The following STEAP1 variants were observed in gnomAD, a reference collection of about 807,000 sequenced individuals.
The protein encoded by STEAP1 is STEAP family member 1.
STEAP1 carries 30 observed loss-of-function variants against 34.4 expected under a neutral mutation model. That is an observed-to-expected ratio of 0.87 (90% CI 0.65 to 1.18). The LOEUF (loss-of-function observed/expected upper bound fraction) is 1.18, where lower values mean the gene tolerates loss of function less well. Among genes scored for constraint, STEAP1 ranks in the 50% most tolerant of loss-of-function variants. STEAP1 has a pLI of 0.00. For missense variants in STEAP1, 318 were observed against 391.1 expected, an observed-to-expected ratio of 0.81 and a Z score of 1.58; for synonymous variants, 116 against 135.3, an observed-to-expected ratio of 0.86 and a Z score of 0.99.
intron 4 of STEAP1, among the ~76,000 whole-genome samples, 157 bp from the exon 5 acceptor site, chr7:90,164,320 A>G (rs1177971452): frequency 6.6e-6 from 1 of 152,170 alleles, no homozygotes; most frequent in Admixed American, 6.5e-5. Context: ...AGGATAGGCA[A>G]AAAGAGTAGA....
chr7:90,160,432 A>C (rs1794167981), intron 2 of STEAP1, among the ~76,000 whole-genome samples: 1 of 151,758 alleles, frequency 6.6e-6, no homozygotes, highest in Non-Finnish European at 1.5e-5. Flanking sequence ...TTTTGGTTCC[A>C]AACTTCCAAA....
At chr7:90,156,482 C>G (rs1794121189) in intron 1 of STEAP1, among the ~76,000 whole-genome samples, 1 of 152,190 alleles carries the variant, frequency 6.6e-6, no homozygotes, top group Non-Finnish European at 1.5e-5. Context: ...AGTCAGTGTC[C>G]TTTTAGGAAC....
At position 90,164,622 on chromosome 7, in the gene STEAP1, T is replaced by C. The variant is rs1794229589; in HGVS notation, c.908T>C (p.Ile303Thr). Residue 303 changes from isoleucine to threonine, a missense_variant, in exon 5 of 5, where the codon ATA becomes ACA. Physicochemically the swap from Ile to Thr is moderately conservative, Grantham distance 89. Transcript: ENST00000297205. ...GTTTTCCTTCCAATTGTTGTCCTGATATTTAAAAGCATACTATTCCTGCCA... is the reference window on the plus strand; with the variant it reads ...GTTTTCCTTCCAATTGTTGTCCTGACATTTAAAAGCATACTATTCCTGCCA... Reference protein sequence around the residue: ...IAVFLPIVVLIFKSILFLPCL... With the variant: ...IAVFLPIVVLTFKSILFLPCL... 21 of 1,613,736 alleles carry C rather than the reference T, an allele frequency of 1.3e-5. No homozygotes were observed. The highest frequency in any genetic ancestry group is 1.7e-5 in the Non-Finnish European group (20 of 1,179,858).
intron 2 of STEAP1, 57 bp downstream of exon 2, chr7:90,159,929 A>G: frequency 8.2e-7 from 1 of 1,226,440 alleles, no homozygotes; most frequent in Admixed American, 3.1e-5. Flanking sequence ...AACATAATTC[A>G]GATGCCATTC....
intron 4 of STEAP1, 86 bp downstream of exon 4, chr7:90,162,164 A>G: frequency 6.8e-7 from 1 of 1,462,728 alleles, no homozygotes; most frequent in East Asian, 2.5e-5. Context: ...CCCATAAAAA[A>G]TAACAAATGT....
chr7:90,161,139 A>C lies in STEAP1; in HGVS notation c.419A>C (p.Gln140Pro), dbSNP rs778690758. ...YLPGVIAAIV[Q>P]LHNGTKYKKF... ...CCAGGTGTGATAGCAGCAATTGTCCAACTTCATAATGGAACCAAGTATAAG... is the reference window on the plus strand; with the variant it reads ...CCAGGTGTGATAGCAGCAATTGTCCCACTTCATAATGGAACCAAGTATAAG... Residue 140 changes from glutamine to proline, a missense_variant, in exon 3 of 5, where the codon CAA becomes CCA. Gln to Pro is a moderately conservative substitution (Grantham distance 76). Coordinates refer to ENST00000297205, the MANE Select transcript of STEAP1 (RefSeq NM_012449.3). 1.1e-5 allele frequency: 17 copies of C among 1,614,022 alleles called. No individual in the cohort carries two copies. Among genetic ancestry groups the C allele is most frequent in the Non-Finnish European group, 1.4e-5 (17 of 1,179,872 alleles).
Position 90,164,478 on chromosome 7 carries a change from G to A in STEAP1, c.764G>A (p.Ser255Asn), listed in dbSNP as rs747181962. 6 of 1,598,472 alleles carry A rather than the reference G, an allele frequency of 3.8e-6. No homozygotes were observed. The Admixed American group carries it at 8.6e-5, about 23-fold the overall frequency. ...LTWREFHYIQ[S>N]KLGIVSLLLG... is the part of the protein sequence containing the mutation. ...ACCAATTTTGTTTTTCTTTTGCAGAGCAAGCTAGGAATTGTTTCCCTTCTA... is the reference window on the plus strand; with the variant it reads ...ACCAATTTTGTTTTTCTTTTGCAGAACAAGCTAGGAATTGTTTCCCTTCTA... Residue 255 changes from serine to asparagine, a missense_variant and splice_region_variant, in exon 5 of 5, where the codon AGC becomes AAC. Transcript: ENST00000297205.
chr7:90,160,853 C>G lies in STEAP1; in HGVS notation c.133C>G (p.His45Asp), dbSNP rs769480944. The G allele has an allele frequency of 1.9e-6, 3 of 1,613,882 alleles. No individual in the cohort carries two copies. Among genetic ancestry groups the G allele is most frequent in the Non-Finnish European group, 2.5e-6 (3 of 1,179,868 alleles). ...TSMLKRPVLL[H>D]LHQTAHADEF... ...CATGCTAAAAAGACCTGTGCTTTTG[C>G]ATTTGCACCAAACAGCCCATGCTGA... Residue 45 changes from histidine to aspartate, a missense_variant, in exon 3 of 5, where the codon CAT becomes GAT. Transcript: ENST00000297205.
In STEAP1 at chr7:90,160,815, C is replaced by G. The variant is rs755363804; in HGVS notation, c.95C>G (p.Thr32Arg). Residue 32 changes from threonine (T) to arginine (R), a missense_variant, in exon 3 of 5, where the codon ACG (threonine) becomes AGG (arginine). By Grantham distance (71) the Thr-to-Arg change is moderately conservative. Coordinates refer to ENST00000297205, the MANE Select transcript of STEAP1 (RefSeq NM_012449.3). The part of the protein sequence containing the change: ...LEEDDYLHKD[T>R]GETSMLKRPV... ...TTCTTTCCTTTGTAGCATAAGGACA[C>G]GGGAGAGACCAGCATGCTAAAAAGA... 2 of 1,613,124 alleles carry G rather than the reference C, an allele frequency of 1.2e-6. No homozygotes were observed. The highest frequency in any genetic ancestry group is 1.7e-6 in the Non-Finnish European group (2 of 1,179,230).
At chr7:90,163,076 G>T (rs112341725) in intron 4 of STEAP1, 1 of 381,844 alleles carries the variant, frequency 2.6e-6, no homozygotes, top group Admixed American at 2.6e-5. Context: ...GCCAATTACC[G>T]TTTATGGGTA....
At chr7:90,158,783 T>C (rs1396607561) in intron 1 of STEAP1, among the ~76,000 whole-genome samples, 1 of 152,230 alleles carries the variant, frequency 6.6e-6, no homozygotes, top group East Asian at 1.9e-4. Flanking sequence ...TATACTCTTA[T>C]GGGACCACTG....
intron 1 of STEAP1, among the ~76,000 whole-genome samples, chr7:90,156,536 C>T (rs542809582): frequency 2.0e-5 from 3 of 152,366 alleles, no homozygotes; most frequent in Admixed American, 2.0e-4. Flanking sequence ...GCGAGCATTA[C>T]TGCCTGAGCT....
intron 4 of STEAP1, among the ~76,000 whole-genome samples, chr7:90,162,457 T>G (rs1337088185): frequency 6.6e-6 from 1 of 151,870 alleles, no homozygotes; most frequent in East Asian, 1.9e-4. Flanking sequence ...GCCTCCTGAG[T>G]AGCTGGGATT....
chr7:90,162,308 TTTTG>T (rs113034818), intron 4 of STEAP1: 7 of 596,714 alleles, frequency 1.2e-5, no homozygotes, highest in South Asian at 9.2e-5. Flanking sequence ...TGTTTTTTTT[TTTTG>T]TTTGTTTGTT....
At chr7:90,158,742 A>G (rs1794146713) in intron 1 of STEAP1, among the ~76,000 whole-genome samples, 1 of 152,198 alleles carries the variant, frequency 6.6e-6, no homozygotes, top group Non-Finnish European at 1.5e-5. Flanking sequence ...AGTATTGTAA[A>G]TACTAGGCAA....
At chr7:90,161,805 C>A in intron 3 of STEAP1, 109 bp from the exon 4 acceptor site, 6 of 1,429,442 alleles carry the variant, frequency 4.2e-6, no homozygotes, top group South Asian at 3.6e-5. Flanking sequence ...TTTGTGGAGA[C>A]CTGTTATCAG....
At position 90,159,889 on chromosome 7, in the gene STEAP1, A is replaced by ATT; in HGVS notation, c.84+17_84+18insTT. 5 of 1,410,224 alleles carry ATT rather than the reference A, an allele frequency of 3.5e-6. No individual in the cohort carries two copies. Among genetic ancestry groups the ATT allele is most frequent in the Middle Eastern group, 2.0e-4 (1 of 4,920 alleles). The allele number at this position is 1,410,224 out of a possible 1,614,324, so 87.4% of individuals were successfully genotyped here. On this transcript the variant is annotated intron_variant, in intron 2 of 4. Transcript: ENST00000297205. ...GATTATTTGGTAAAATATTAATAAT[A>ATT]ACAATAATAAATAATAATTTACATC...
intron 1 of STEAP1, among the ~76,000 whole-genome samples, chr7:90,158,086 A>G (rs9791638): frequency 0.34 from 52,390 of 152,100 alleles, 10,774 homozygotes; most frequent in East Asian, 0.73. Context: ...AAACATACAT[A>G]TATCGTACAA....
intron 1 of STEAP1, among the ~76,000 whole-genome samples, chr7:90,157,516 C>G (rs1376684532): frequency 2.0e-5 from 3 of 152,116 alleles, no homozygotes; most frequent in African/African-American, 7.2e-5. Context: ...GGAAACTGCC[C>G]AGGCCTGAGT....
Sources: gnomAD v4.1 joint callset for allele counts (sites outside exome capture counted in the v4.1 genomes callset) on GRCh38, gnomAD v4.1.1 for gene constraint, MANE v1.5 for transcripts, NCBI Gene and HGNC (gene_info 2026-07-23, HGNC 2026-07-21) for gene names.